Variants in SNTG2 observed in about 807,000 individuals in gnomAD.
SNTG2 encodes syntrophin gamma 2.
A neutral mutation model predicts 70.9 loss-of-function variants in SNTG2; 74 were observed. The ratio of observed to expected loss-of-function variants is 1.04; its 90% CI spans 0.86 to 1.27. The LOEUF (loss-of-function observed/expected upper bound fraction) is 1.27, where lower values mean the gene tolerates loss of function less well. Among genes scored for constraint, SNTG2 ranks in the 50% most tolerant of loss-of-function variants. SNTG2 has a pLI of 0.00. For synonymous variants in SNTG2, 278 were observed against 273.8 expected (o/e 1.02, Z -0.15); for missense variants, 717 against 690.7 (o/e 1.04, Z -0.43).
At chr2:1,159,862 T>C (rs1451113173) in intron 6 of SNTG2, among the ~76,000 whole-genome samples, 1 of 152,074 alleles carries the variant, frequency 6.6e-6, no homozygotes, top group Non-Finnish European at 1.5e-5. Flanking sequence ...GAAATATTAA[T>C]TAAAATGCAA....
chr2:1,114,835 CTAAG>C (rs1390223071), intron 4 of SNTG2, among the ~76,000 whole-genome samples: 9 of 151,756 alleles, frequency 5.9e-5, no homozygotes, highest in African/African-American at 1.9e-4. Flanking sequence ...ATTGTGTGTA[CTAAG>C]TAAGGTTTAA....
At position 1,122,541 on chromosome 2, in the gene SNTG2, C is replaced by A. The variant is rs73911404; in HGVS notation, c.326-15081C>A. ...AAGCCCAATATCTATGATAAAAAATCTCACCAGTTCAGGTATAGACAGCAT... is the reference window on the plus strand; with the variant it reads ...AAGCCCAATATCTATGATAAAAAATATCACCAGTTCAGGTATAGACAGCAT... On this transcript the variant is annotated intron_variant, in intron 4 of 16. Transcript: ENST00000308624. Among the ~76,000 whole-genome samples, 436 of 152,006 alleles carry A rather than the reference C, an allele frequency of 2.9e-3. 2 individuals are homozygous for A. The highest frequency in any genetic ancestry group is 9.9e-3 in the African/African-American group (408 of 41,330).
intron 2 of SNTG2, 127 bp downstream of exon 2, chr2:1,083,782 C>G: frequency 1.9e-6 from 2 of 1,044,742 alleles, no homozygotes; most frequent in Non-Finnish European, 2.8e-6. Context: ...ATATCCCCAA[C>G]TACTGGCTTT....
At chr2:1,236,057 T>C (rs1164727016) in intron 9 of SNTG2, among the ~76,000 whole-genome samples, 1 of 152,174 alleles carries the variant, frequency 6.6e-6, no homozygotes, top group Non-Finnish European at 1.5e-5. Flanking sequence ...ATAATCTACT[T>C]GACCCAGCTG....
intron 14 of SNTG2, among the ~76,000 whole-genome samples, chr2:1,305,301 G>A (rs1173315698): frequency 6.6e-6 from 1 of 152,180 alleles, no homozygotes; most frequent in Non-Finnish European, 1.5e-5. Flanking sequence ...TTCTCTCCCT[G>A]AGTTACAGGA....
At chr2:1,011,408 T>C (rs1321510012) in intron 1 of SNTG2, among the ~76,000 whole-genome samples, 6 of 152,208 alleles carry the variant, frequency 3.9e-5, no homozygotes, top group Non-Finnish European at 8.8e-5. Flanking sequence ...TAAATAAATA[T>C]GATAACACCA....
intron 1 of SNTG2, among the ~76,000 whole-genome samples, chr2:953,254 C>T (rs1345307481): frequency 6.6e-6 from 1 of 152,218 alleles, no homozygotes; most frequent in Non-Finnish European, 1.5e-5. Context: ...ATCCCACTGG[C>T]AGACAACCTC....
chr2:1,075,603 G>T (rs913170709), intron 1 of SNTG2, among the ~76,000 whole-genome samples: 4 of 152,010 alleles, frequency 2.6e-5, no homozygotes, highest in African/African-American at 9.7e-5. Flanking sequence ...ACTGAGTGGC[G>T]TTCGTTTTTC....
chr2:1,095,005 C>A (rs1665293893), intron 2 of SNTG2, among the ~76,000 whole-genome samples: 1 of 143,746 alleles, frequency 7.0e-6, no homozygotes, highest in African/African-American at 2.6e-5. Flanking sequence ...TCCTGGCCTG[C>A]AGGCAAAGGC....
intron 16 of SNTG2, among the ~76,000 whole-genome samples, chr2:1,337,009 G>T (rs1391844672): frequency 6.6e-6 from 1 of 152,108 alleles, no homozygotes; most frequent in Non-Finnish European, 1.5e-5. Context: ...TTGGAATTTT[G>T]ATAGGGATTG....
At chr2:1,338,025 G>C (rs1659904485) in intron 16 of SNTG2, among the ~76,000 whole-genome samples, 1 of 152,136 alleles carries the variant, frequency 6.6e-6, no homozygotes, top group Non-Finnish European at 1.5e-5. Flanking sequence ...ACATAGGCCA[G>C]GTTTTACTTC....
At chr2:1,275,883 A>G (rs1679245509) in intron 14 of SNTG2, among the ~76,000 whole-genome samples, 3 of 152,230 alleles carry the variant, frequency 2.0e-5, no homozygotes, top group Non-Finnish European at 4.4e-5. Context: ...CTCATGAATA[A>G]TAAGAAAGCA....
intron 9 of SNTG2, among the ~76,000 whole-genome samples, chr2:1,229,068 A>G (rs371974245): frequency 6.6e-6 from 1 of 152,106 alleles, no homozygotes; most frequent in African/African-American, 2.4e-5. Flanking sequence ...AGCAGCGTGG[A>G]CCCAAAGAGT....
intron 13 of SNTG2, chr2:1,262,812 A>AGGCAACC (rs1678512887): frequency 1.3e-5 from 2 of 151,190 alleles, no homozygotes; most frequent in Admixed American, 6.6e-5. Context: ...GGTCCAGACG[A>AGGCAACC]CGAAACCCGA....
At chr2:1,235,676 G>C (rs973209812) in intron 9 of SNTG2, among the ~76,000 whole-genome samples, 2 of 152,198 alleles carry the variant, frequency 1.3e-5, no homozygotes, top group African/African-American at 4.8e-5. Context: ...GCTGCCCCAG[G>C]ATCCCTGCAG....
At chr2:985,245 G>A (rs540632557) in intron 1 of SNTG2, among the ~76,000 whole-genome samples, 17 of 151,950 alleles carry the variant, frequency 1.1e-4, no homozygotes, top group Non-Finnish European at 2.5e-4. Context: ...AAAGAAAAGC[G>A]ACGGAAATGC....
chr2:1,120,547 T>A (rs1363458284), intron 4 of SNTG2, among the ~76,000 whole-genome samples: 2 of 152,014 alleles, frequency 1.3e-5, no homozygotes, highest in Non-Finnish European at 2.9e-5. Flanking sequence ...ATATTAAAAG[T>A]GAAGATAGGG....
chr2:1,151,664 C>T (rs1457337450), intron 6 of SNTG2, among the ~76,000 whole-genome samples: 3 of 152,138 alleles, frequency 2.0e-5, no homozygotes, highest in Non-Finnish European at 4.4e-5. Flanking sequence ...TTAGGCTGCT[C>T]CGAAAGCCTT....
At position 1,347,083 on chromosome 2, in the gene SNTG2, GAA is replaced by G. The variant is rs1343657589; in HGVS notation, c.1489-20258_1489-20257del. 6.0e-5 allele frequency among the ~76,000 whole-genome samples: 4 copies of G among 66,390 alleles called. No homozygotes were observed. In the East Asian group the frequency reaches 5.7e-3, roughly 95 times the overall value. The allele number at this position is 66,390 out of a possible 152,430, so 43.6% of individuals were successfully genotyped here. On this transcript the variant is annotated intron_variant, in intron 16 of 16. Transcript: ENST00000308624. The stretch of plus-strand genomic sequence containing the variant: ...CCAGGCCCTTTAGAAAGGAATTTGG[GAA>G]AGAGGAAAAAAAAAGGTGAGAGCTC...
Sources: allele counts gnomAD v4.1 joint callset (sites outside exome capture counted in the v4.1 genomes callset), GRCh38; gene constraint gnomAD v4.1.1; transcripts MANE v1.5; gene names NCBI Gene and HGNC (gene_info 2026-07-23, HGNC 2026-07-21).